Variants in CBFB observed in about 807,000 individuals in gnomAD.
CBFB encodes the protein CBF-beta.
A neutral mutation model predicts 30.4 loss-of-function variants in CBFB; 9 were observed. The observed-to-expected ratio is 0.30, with a 90% CI of 0.18 to 0.52. The LOEUF (loss-of-function observed/expected upper bound fraction) is 0.52. CBFB is among the 20% of genes least tolerant of loss of function. CBFB has a pLI of 0.97. For synonymous variants in CBFB, 94 were observed against 84.0 expected (o/e 1.12, Z -0.65); for missense variants, 170 against 244.0 (o/e 0.70, Z 2.02).
intron 5 of CBFB, among the ~76,000 whole-genome samples, chr16:67,089,506 A>G (rs553976082): frequency 6.6e-6 from 1 of 152,382 alleles, no homozygotes; most frequent in African/African-American, 2.4e-5. Context: ...TAATGAAAAC[A>G]GAAGATTCTA....
chr16:67,035,520 G>A (rs1038156847), intron 2 of CBFB, among the ~76,000 whole-genome samples: 1 of 152,190 alleles, frequency 6.6e-6, no homozygotes, highest in African/African-American at 2.4e-5. Context: ...TTAGCATTTA[G>A]GTTGACAAGT....
intron 4 of CBFB, among the ~76,000 whole-genome samples, chr16:67,069,227 G>A (rs552619432): frequency 3.9e-5 from 6 of 151,932 alleles, no homozygotes; most frequent in East Asian, 1.9e-4. Flanking sequence ...AAAAAACGCC[G>A]AGTGTTGTGG....
intron 3 of CBFB, among the ~76,000 whole-genome samples, chr16:67,063,843 A>G (rs1960979442): frequency 6.6e-6 from 1 of 152,200 alleles, no homozygotes; most frequent in African/African-American, 2.4e-5. Flanking sequence ...TCTAAAAACA[A>G]AAAGAATCCA....
chr16:67,076,773 T>C (rs1014117679), intron 4 of CBFB, among the ~76,000 whole-genome samples: 2 of 152,184 alleles, frequency 1.3e-5, no homozygotes, highest in African/African-American at 4.8e-5. Context: ...TCCAACTAAT[T>C]TTAAACAAAA....
Position 67,054,355 on chromosome 16 carries a change from G to A in CBFB, c.283-12327G>A, listed in dbSNP as rs1960651623. Among the ~76,000 whole-genome samples the A allele has an allele frequency of 2.6e-5, 4 of 152,208 alleles. No homozygotes were observed. In the South Asian group the frequency reaches 8.3e-4, roughly 32 times the overall value. ...AATGTTGCAGTTGAAAATCTCTGAA[G>A]TCATTGTGTTTCCTGATCTGTTTGT... is the stretch of plus-strand genomic sequence containing the variant. On this transcript the variant is annotated intron_variant, in intron 3 of 5. Transcript: ENST00000412916.
chr16:67,100,067 T>C lies in CBFB; in HGVS notation c.*1289T>C, dbSNP rs149092784. 5.4e-4 allele frequency: 104 copies of C among 191,804 alleles called. No individual in the cohort carries two copies. The East Asian group carries it at 7.3e-3, about 14-fold the overall frequency. The allele number at this position is 191,804 out of a possible 1,614,324, so 11.9% of individuals were successfully genotyped here. On this transcript the variant is annotated 3_prime_UTR_variant, in exon 6 of 6. Transcript: ENST00000412916. ...AATAGGCTTACTGTCAAATTGCAAC[T>C]TTTTTTTTAGATACAGAGTGGAAAA... is the stretch of plus-strand genomic sequence containing the variant.
At chr16:67,066,969 GAA>G (rs1961077523) in intron 4 of CBFB, 171 bp downstream of exon 4, 1 of 453,072 alleles carries the variant, frequency 2.2e-6, no homozygotes, top group Admixed American at 3.7e-5. Context: ...CTGATTTTGG[GAA>G]AGTTTTTTCT....
chr16:67,084,044 G>A (rs973476968), intron 5 of CBFB, among the ~76,000 whole-genome samples: 11 of 151,364 alleles, frequency 7.3e-5, no homozygotes, highest in African/African-American at 2.2e-4. Flanking sequence ...GCACATGCCT[G>A]TTGTCCTAGC....
At chr16:67,052,932 G>C (rs1038499396) in intron 3 of CBFB, among the ~76,000 whole-genome samples, 1 of 150,870 alleles carries the variant, frequency 6.6e-6, no homozygotes, top group African/African-American at 2.4e-5. Context: ...CACAGAGCAA[G>C]ATGCTATCTC....
rs1475189146 is a variant in CBFB at position 67,101,024 on chromosome 16, AT to A, written c.*2249del. The A allele has an allele frequency of 5.5e-6, 1 of 181,984 alleles. No individual in the cohort carries two copies. The highest frequency in any genetic ancestry group is 1.2e-5 in the Non-Finnish European group (1 of 85,038). The allele number at this position is 181,984 out of a possible 1,614,324, so 11.3% of individuals were successfully genotyped here. A position where few individuals can be genotyped will look rare whatever the true frequency, so the allele number is the denominator to read the frequency against. ...GCCATACTGTGTGTTTGTTTGTTTA[AT>A]TTACTTTCACAATAAACTTCTGTGT... On this transcript the variant is annotated 3_prime_UTR_variant, in exon 6 of 6. Coordinates refer to ENST00000412916, the MANE Select transcript of CBFB (RefSeq NM_022845.3).
intron 3 of CBFB, among the ~76,000 whole-genome samples, chr16:67,066,329 C>T (rs1226383355): frequency 6.8e-6 from 1 of 146,544 alleles, no homozygotes; most frequent in Non-Finnish European, 1.5e-5. Flanking sequence ...TGGCAGATTG[C>T]CTGAGCTCAG....
rs1966440812 is a variant in CBFB, at chr16:67,036,411, C to T, written c.166-228C>T. 8.7e-6 allele frequency: 4 copies of T among 459,234 alleles called. No individual in the cohort carries two copies. In the South Asian group the frequency reaches 1.3e-4, roughly 15 times the overall value. The allele number at this position is 459,234 out of a possible 1,614,324, so 28.4% of individuals were successfully genotyped here. A position where few individuals can be genotyped will look rare whatever the true frequency, so the allele number is the denominator to read the frequency against. ...ATGACCTGAAAGAAAGTATTGATTCCATGTCTGATTTTATACTTAAGCAGC... is the reference window on the plus strand; with the variant it reads ...ATGACCTGAAAGAAAGTATTGATTCTATGTCTGATTTTATACTTAAGCAGC... On this transcript the variant is annotated intron_variant, in intron 2 of 5. Coordinates refer to ENST00000412916, the MANE Select transcript of CBFB (RefSeq NM_022845.3).
intron 4 of CBFB, among the ~76,000 whole-genome samples, chr16:67,069,205 A>T (rs1206221986): frequency 1.3e-5 from 2 of 151,306 alleles, no homozygotes; most frequent in African/African-American, 2.4e-5. Flanking sequence ...CAAGAGCGAA[A>T]CTCCATCTCA....
intron 4 of CBFB, among the ~76,000 whole-genome samples, chr16:67,079,757 C>T (rs961823792): frequency 3.9e-5 from 6 of 152,160 alleles, no homozygotes; most frequent in South Asian, 2.1e-4. Context: ...TACGTGGCCA[C>T]CCCTTGCTGC....
chr16:67,039,704 A>G (rs897125508), intron 3 of CBFB, among the ~76,000 whole-genome samples: 2 of 152,152 alleles, frequency 1.3e-5, no homozygotes, highest in Admixed American at 6.5e-5. Context: ...TTTTATTAAT[A>G]CTGGTTTTAG....
intron 3 of CBFB, among the ~76,000 whole-genome samples, chr16:67,038,460 A>T (rs537498565): frequency 1.3e-5 from 2 of 152,124 alleles, no homozygotes; most frequent in Admixed American, 1.3e-4. Flanking sequence ...TTTGTGCGTG[A>T]CAAAACAATC....
intron 5 of CBFB, among the ~76,000 whole-genome samples, chr16:67,086,198 A>G (rs1013306707): frequency 2.6e-5 from 4 of 152,156 alleles, no homozygotes; most frequent in African/African-American, 9.7e-5. Flanking sequence ...TTCTTTCGGT[A>G]TCTGTAAAAT....
intron 3 of CBFB, among the ~76,000 whole-genome samples, chr16:67,060,746 G>A (rs1960889748): frequency 6.6e-6 from 1 of 152,054 alleles, no homozygotes; most frequent in Non-Finnish European, 1.5e-5. Context: ...GTAGAGACGG[G>A]GTTTCTCCAT....
In CBFB at chr16:67,051,742, G is replaced by GT. The variant is rs958330256; in HGVS notation, c.283-14932dup. Among the ~76,000 whole-genome samples the GT allele has an allele frequency of 6.0e-4, 89 of 148,956 alleles. 1 individual carries two copies. The South Asian group carries it at 0.011, about 18-fold the overall frequency. On this transcript the variant is annotated intron_variant, in intron 3 of 5. Coordinates refer to ENST00000412916, the MANE Select transcript of CBFB (RefSeq NM_022845.3). ...GTTAAATGTATTATATGATTTTGGT[G>GT]TTTTTTTTGTGTTTTTTTTTTTCTG...
Sources: allele counts gnomAD v4.1 joint callset (sites outside exome capture counted in the v4.1 genomes callset), GRCh38; gene constraint gnomAD v4.1.1; transcripts MANE v1.5; gene names NCBI Gene and HGNC (gene_info 2026-07-23, HGNC 2026-07-21).